Variants in STPG2 observed in about 807,000 individuals in gnomAD.
The protein encoded by STPG2 is sperm-tail PG-rich repeat-containing protein 2.
STPG2 carries 56 observed loss-of-function variants against 54.2 expected under a neutral mutation model. The observed-to-expected ratio is 1.03, with a 90% CI of 0.83 to 1.29. The LOEUF is 1.29. STPG2 is among the 50% of genes most tolerant of loss of function. The pLI is 0.00. For synonymous variants in STPG2, 200 were observed against 181.8 expected (o/e 1.10, Z -0.81); for missense variants, 596 against 544.9 (o/e 1.09, Z -0.93).
chr4:97,811,209 A>T (rs894081741), intron 9 of STPG2, among the ~76,000 whole-genome samples: 1 of 152,138 alleles, frequency 6.6e-6, no homozygotes, highest in African/African-American at 2.4e-5. Flanking sequence ...AAAAAAAAAA[A>T]ATCCGTTGGA....
intron 9 of STPG2, among the ~76,000 whole-genome samples, chr4:97,740,207 C>G (rs577477172): frequency 1.3e-5 from 2 of 152,222 alleles, no homozygotes; most frequent in Admixed American, 6.5e-5. Flanking sequence ...ATTGATGGGA[C>G]GTATCTCAAA....
intron 10 of STPG2, among the ~76,000 whole-genome samples, chr4:97,588,705 T>C (rs1733061300): frequency 6.6e-6 from 1 of 152,042 alleles, no homozygotes. Context: ...CCCTTTTGAC[T>C]CAGAAAACCC....
At chr4:97,863,969 T>G (rs530294534) in intron 8 of STPG2, among the ~76,000 whole-genome samples, 1 of 152,306 alleles carries the variant, frequency 6.6e-6, no homozygotes, top group South Asian at 2.1e-4. Flanking sequence ...GAGCTATTTA[T>G]GACAAACCCA....
At chr4:98,035,167 C>A (rs1736731584) in intron 5 of STPG2, among the ~76,000 whole-genome samples, 1 of 152,158 alleles carries the variant, frequency 6.6e-6, no homozygotes, top group African/African-American at 2.4e-5. Context: ...AGGCAACCTA[C>A]AGAATGGGAG....
At chr4:97,886,197 G>A (rs370305406) in intron 8 of STPG2, among the ~76,000 whole-genome samples, 20 of 152,216 alleles carry the variant, frequency 1.3e-4, no homozygotes, top group East Asian at 3.9e-4. Context: ...TGGCAAAATC[G>A]AAGTGTATTC....
intron 4 of STPG2, 27 bp downstream of exon 4, chr4:98,109,166 A>G (rs1332379745): frequency 7.4e-7 from 1 of 1,342,944 alleles, no homozygotes; most frequent in Non-Finnish European, 1.0e-6. Context: ...GAGCTACATT[A>G]AAGGTATACT....
At chr4:97,455,329 G>T (rs1729487818) in intron 4 of STPG2, among the ~76,000 whole-genome samples, 1 of 152,088 alleles carries the variant, frequency 6.6e-6, no homozygotes, top group Non-Finnish European at 1.5e-5. Context: ...TCCAAATGTT[G>T]CATTTCCCGA....
intron 4 of STPG2, among the ~76,000 whole-genome samples, chr4:97,482,973 A>C (rs1000936076): frequency 6.6e-6 from 1 of 151,782 alleles, no homozygotes; most frequent in African/African-American, 2.4e-5. Context: ...TCATATATGA[A>C]GAAAAGATAC....
intron 4 of STPG2, among the ~76,000 whole-genome samples, chr4:97,482,257 A>G (rs899144295): frequency 2.0e-5 from 3 of 151,562 alleles, no homozygotes; most frequent in Non-Finnish European, 4.4e-5. Context: ...AAAGTTTTGG[A>G]TCTACGTTAA....
chr4:97,779,520 CAGG>C lies in STPG2; in HGVS notation c.1204+61250_1204+61252del, dbSNP rs542798762. Among the ~76,000 whole-genome samples the C allele has an allele frequency of 7.2e-4, 109 of 152,230 alleles. 1 individual carries two copies. The highest frequency in any genetic ancestry group is 2.5e-3 in the African/African-American group (103 of 41,532). ...GGAAAACACTCTGCAGGATATTATC[CAGG>C]AGAACTTCCCCAACCTAGCAAGGCA... is the stretch of plus-strand genomic sequence containing the variant. On this transcript the variant is annotated intron_variant, in intron 9 of 10. Coordinates refer to ENST00000295268, the MANE Select transcript of STPG2 (RefSeq NM_174952.3).
chr4:97,805,128 G>A (rs1727514403), intron 9 of STPG2, among the ~76,000 whole-genome samples: 1 of 152,106 alleles, frequency 6.6e-6, no homozygotes, highest in Admixed American at 6.5e-5. Flanking sequence ...GTGTTTGTGG[G>A]AAATATTGGG....
intron 10 of STPG2, among the ~76,000 whole-genome samples, chr4:97,564,541 C>T (rs1168882168): frequency 2.0e-5 from 3 of 152,170 alleles, no homozygotes; most frequent in Non-Finnish European, 4.4e-5. Context: ...ATGGTCTTTA[C>T]AATTTGGCAT....
chr4:97,995,791 G>A (rs550711039), intron 5 of STPG2, among the ~76,000 whole-genome samples: 1 of 152,206 alleles, frequency 6.6e-6, no homozygotes, highest in Admixed American at 6.5e-5. Context: ...CACCAGACAT[G>A]GTTTTGCTGT....
At chr4:97,782,417 C>G (rs575734366) in intron 9 of STPG2, among the ~76,000 whole-genome samples, 1 of 151,960 alleles carries the variant, frequency 6.6e-6, no homozygotes, top group African/African-American at 2.4e-5. Context: ...CACTGCTCAA[C>G]GAAATAAAAG....
intron 10 of STPG2, among the ~76,000 whole-genome samples, chr4:97,623,116 A>T (rs1211850525): frequency 6.6e-6 from 1 of 152,216 alleles, no homozygotes; most frequent in African/African-American, 2.4e-5. Flanking sequence ...AACTCAACTC[A>T]AGATAGATTA....
chr4:98,082,243 G>T (rs778838087), intron 5 of STPG2, among the ~76,000 whole-genome samples: 4 of 151,786 alleles, frequency 2.6e-5, no homozygotes, highest in Admixed American at 1.3e-4. Context: ...GATACATCTC[G>T]GTTTAGTCCT....
At chr4:97,638,025 C>T (rs374155385) in intron 10 of STPG2, among the ~76,000 whole-genome samples, 16,368 of 151,744 alleles carry the variant, frequency 0.11, 2,615 homozygotes, top group African/African-American at 0.35. Context: ...AAAAAGAGCC[C>T]GCATCGCCAA....
chr4:97,617,016 T>C (rs912203615), intron 10 of STPG2, among the ~76,000 whole-genome samples: 1 of 152,188 alleles, frequency 6.6e-6, no homozygotes, highest in Non-Finnish European at 1.5e-5. Flanking sequence ...TGTCCCAGTA[T>C]GTTAGTTTAT....
chr4:97,854,791 T>C (rs970302258), intron 8 of STPG2, among the ~76,000 whole-genome samples: 2 of 152,160 alleles, frequency 1.3e-5, no homozygotes, highest in African/African-American at 2.4e-5. Flanking sequence ...ATGTGCAGGT[T>C]TGTTACATAG....
Sources: allele counts gnomAD v4.1 joint callset (sites outside exome capture counted in the v4.1 genomes callset), GRCh38; gene constraint gnomAD v4.1.1; transcripts MANE v1.5; gene names NCBI Gene and HGNC (gene_info 2026-07-23, HGNC 2026-07-21).